Variants in MEGF10 observed in about 807,000 individuals in gnomAD.
MEGF10 encodes the protein multiple epidermal growth factor-like domains protein 10.
A neutral mutation model predicts 147.5 loss-of-function variants in MEGF10; 86 were observed. The ratio of observed to expected loss-of-function variants is 0.58; its 90% confidence interval spans 0.49 to 0.70. MEGF10 has a LOEUF of 0.70. Among genes scored for constraint, MEGF10 ranks in the 30% least tolerant of loss-of-function variants. The pLI is 0.00. For missense variants in MEGF10, 1,329 were observed against 1,487.3 expected (o/e 0.89, Z 1.75); for synonymous variants, 478 against 525.5 (o/e 0.91, Z 1.24).
the MEGF10 span, among the ~76,000 whole-genome samples, chr5:127,235,207 A>G: frequency 6.6e-6 from 1 of 151,888 alleles, no homozygotes; most frequent in Non-Finnish European, 1.5e-5. Context: ...TATACATCCA[A>G]CTTTATTCAG....
upstream of MEGF10, among the ~76,000 whole-genome samples, chr5:127,290,046 A>C (rs968766813): frequency 1.3e-5 from 2 of 152,206 alleles, no homozygotes; most frequent in African/African-American, 4.8e-5. Context: ...CAAATGGAAA[A>C]GCCCGTTCAT....
chr5:127,343,740 C>CGAGACCAGCATGGGCAACAT (rs1761771300), intron 4 of MEGF10, among the ~76,000 whole-genome samples: 1 of 151,978 alleles, frequency 6.6e-6, no homozygotes, highest in Admixed American at 6.6e-5. Context: ...CCGTTGAGCC[C>CGAGACCAGCATGGGCAACAT]AGGCATTCGA....
intron 5 of MEGF10, among the ~76,000 whole-genome samples, chr5:127,370,825 C>T (rs1056884587): frequency 2.0e-5 from 3 of 152,028 alleles, no homozygotes; most frequent in Non-Finnish European, 2.9e-5. Flanking sequence ...CCTTGAGAAA[C>T]GTGAGAAGGA....
intron 1 of MEGF10, among the ~76,000 whole-genome samples, chr5:127,324,413 G>A (rs1331785256): frequency 6.6e-6 from 1 of 152,132 alleles, no homozygotes; most frequent in African/African-American, 2.4e-5. Context: ...TAAACAGATT[G>A]AACCCAGAAT....
chr5:127,402,442 G>C, intron 7 of MEGF10, 104 bp from the exon 8 acceptor site: 4 of 1,303,642 alleles, frequency 3.1e-6, no homozygotes, highest in Non-Finnish European at 4.2e-6. Context: ...TTGCAGCCCT[G>C]TTCCCCATCC....
At chr5:127,415,612 A>G (rs1320751004) in intron 9 of MEGF10, among the ~76,000 whole-genome samples, 1 of 152,146 alleles carries the variant, frequency 6.6e-6, no homozygotes, top group Non-Finnish European at 1.5e-5. Flanking sequence ...GTTATCAAGA[A>G]TAACTCCTAG....
intron 4 of MEGF10, among the ~76,000 whole-genome samples, chr5:127,344,224 C>T (rs998405970): frequency 6.6e-6 from 1 of 152,090 alleles, no homozygotes; most frequent in Non-Finnish European, 1.5e-5. Flanking sequence ...ATACTTTCTG[C>T]CATCAAAGAG....
chr5:127,271,370 G>A, the MEGF10 span, among the ~76,000 whole-genome samples: 1 of 151,686 alleles, frequency 6.6e-6, no homozygotes, highest in East Asian at 1.9e-4. Context: ...TTTCAGAAGT[G>A]GCTGTTCATG....
rs1215256187 is a variant in MEGF10 at position 127,396,599 on chromosome 5, C to T, written c.480C>T (p.Cys160=). ...SRCQCKNGAL[C]NPITGACHCA... ...GCCAGTGCAAAAATGGGGCTCTGTG[C>T]AACCCCATCACCGGGGCTTGCCACT... Residue 160 remains cysteine, a synonymous_variant, in exon 6 of 25, where the codon TGC becomes TGT. Transcript: ENST00000503335. 4.3e-6 allele frequency: 7 copies of T among 1,611,776 alleles called. No individual in the cohort carries two copies. The African/African-American group carries it at 9.3e-5, about 21-fold the overall frequency.
At chr5:127,366,004 G>A (rs777893297) in intron 4 of MEGF10, among the ~76,000 whole-genome samples, 19 of 152,044 alleles carry the variant, frequency 1.2e-4, no homozygotes, top group Non-Finnish European at 2.2e-4. Context: ...GTTCATTTTG[G>A]GGTTTTCTAC....
intron 1 of MEGF10, among the ~76,000 whole-genome samples, chr5:127,298,684 A>G (rs1303038509): frequency 6.6e-6 from 1 of 152,126 alleles, no homozygotes; most frequent in Non-Finnish European, 1.5e-5. Context: ...GTGTTTTTAA[A>G]TTTTAGTGAC....
intron 1 of MEGF10, among the ~76,000 whole-genome samples, chr5:127,313,376 T>C (rs1340426620): frequency 1.3e-5 from 2 of 152,232 alleles, no homozygotes; most frequent in African/African-American, 4.8e-5. Context: ...GTTGACTAGA[T>C]TCTCTTAACC....
chr5:127,456,443 C>T (rs752663238), intron 24 of MEGF10, among the ~76,000 whole-genome samples: 1 of 152,120 alleles, frequency 6.6e-6, no homozygotes, highest in Non-Finnish European at 1.5e-5. Context: ...CTCTCTGTCT[C>T]TATTTCTATG....
In MEGF10 at chr5:127,443,131, A is replaced by G. The variant is rs759816872; in HGVS notation, c.2491+5A>G. ...AGGGAGCGAGATGTGATCAAGGTAA[A>G]TATACTAGCTAATGTTTGTAGCACT... On this transcript the variant is annotated splice_donor_5th_base_variant and intron_variant, in intron 19 of 24. Transcript: ENST00000503335. 3 of 1,611,634 alleles carry G rather than the reference A, an allele frequency of 1.9e-6. No individual in the cohort carries two copies. The highest frequency in any genetic ancestry group is 2.5e-6 in the Non-Finnish European group (3 of 1,178,572).
chr5:127,288,608 A>T (rs1354803141), upstream of MEGF10, among the ~76,000 whole-genome samples: 1 of 152,164 alleles, frequency 6.6e-6, no homozygotes, highest in Non-Finnish European at 1.5e-5. Flanking sequence ...GTTGATGAGG[A>T]TGTGAAGCAA....
chr5:127,415,436 G>A (rs752771626), intron 9 of MEGF10, among the ~76,000 whole-genome samples: 24 of 152,180 alleles, frequency 1.6e-4, no homozygotes, highest in Non-Finnish European at 3.1e-4. Context: ...TAGGTGATAA[G>A]GCATGAGTGG....
intron 5 of MEGF10, among the ~76,000 whole-genome samples, chr5:127,393,616 G>A (rs868291866): frequency 6.6e-6 from 1 of 152,066 alleles, no homozygotes; most frequent in South Asian, 2.1e-4. Context: ...ATGTATTAGT[G>A]GCATTTTAGG....
intron 19 of MEGF10, among the ~76,000 whole-genome samples, chr5:127,444,034 G>A (rs1477930535): frequency 1.3e-5 from 2 of 152,164 alleles, no homozygotes; most frequent in African/African-American, 4.8e-5. Context: ...CAATTGGGGT[G>A]TATGTCATAA....
At chr5:127,390,995 T>G (rs17684775) in intron 5 of MEGF10, among the ~76,000 whole-genome samples, 2,366 of 152,076 alleles carry the variant, frequency 0.016, 45 homozygotes, top group Middle Eastern at 0.071. Flanking sequence ...GAACAGTGTC[T>G]GTGGGCATGC....
Sources: gnomAD v4.1 joint callset for allele counts (sites outside exome capture counted in the v4.1 genomes callset) on GRCh38, gnomAD v4.1.1 for gene constraint, MANE v1.5 for transcripts, NCBI Gene and HGNC (gene_info 2026-07-23, HGNC 2026-07-21) for gene names.